The following KCNA2 variants were observed in gnomAD, a reference collection of about 807,000 sequenced individuals.
KCNA2 encodes potassium voltage-gated channel subfamily A member 2, also known as potassium channel, voltage gated shaker related subfamily A, member 2.
A neutral mutation model predicts 33.4 loss-of-function variants in KCNA2; 11 were observed. The observed-to-expected ratio is 0.33, with a 90% CI of 0.21 to 0.55. KCNA2 has a LOEUF of 0.55. KCNA2 is among the 20% of genes least tolerant of loss of function. The probability of loss-of-function intolerance (pLI) is 0.93; values close to 1 mark genes in which losing one functional copy is unlikely to be tolerated. For missense variants in KCNA2, 291 were observed against 621.6 expected (o/e 0.47, Z 5.66); for synonymous variants, 222 against 231.3 (o/e 0.96, Z 0.37).
rs1649204480 is a variant in KCNA2, at chr1:110,598,667, C to T, written c.*4616G>A. The T allele has an allele frequency of 3.0e-6, 3 of 985,316 alleles. No homozygotes were observed. Among genetic ancestry groups the T allele is most frequent in the Non-Finnish European group, 2.4e-6 (2 of 829,918 alleles). The allele number at this position is 985,316 out of a possible 1,614,324, so 61.0% of individuals were successfully genotyped here. A position where few individuals can be genotyped will look rare whatever the true frequency, so the allele number is the denominator to read the frequency against. On this transcript the variant is annotated 3_prime_UTR_variant, in exon 3 of 3. Coordinates refer to ENST00000316361, the MANE Select transcript of KCNA2 (RefSeq NM_004974.4). Reference sequence around the variant, plus strand: ...ACTAGGCTAACGCAATCTAGAGGCACACTCCCGTGGGGCCCCTTTTAAAAG... The same window carrying T: ...ACTAGGCTAACGCAATCTAGAGGCATACTCCCGTGGGGCCCCTTTTAAAAG...
Position 110,596,329 on chromosome 1 carries a change from C to A in KCNA2, c.*6954G>T. On this transcript the variant is annotated 3_prime_UTR_variant, in exon 3 of 3. Coordinates refer to ENST00000316361, the MANE Select transcript of KCNA2 (RefSeq NM_004974.4). ...AATTTAAAAATAGTATACATATATA[C>A]ATATACTATATATATATATATACAC... is the stretch of plus-strand genomic sequence containing the variant. 1 of 413,862 alleles carries A rather than the reference C, an allele frequency of 2.4e-6. No homozygotes were observed. The highest frequency in any genetic ancestry group is 3.2e-6 in the Non-Finnish European group (1 of 311,182). The allele number at this position is 413,862 out of a possible 1,614,324, so 25.6% of individuals were successfully genotyped here. A position where few individuals can be genotyped will look rare whatever the true frequency, so the allele number is the denominator to read the frequency against.
intron 1 of KCNA2, among the ~76,000 whole-genome samples, chr1:110,611,636 G>A (rs559308756): frequency 6.6e-6 from 1 of 151,928 alleles, no homozygotes; most frequent in Admixed American, 6.6e-5. Flanking sequence ...TAAGTTGAGA[G>A]GATCATTTGA....
chr1:110,621,054 T>C (rs1053554387), intron 1 of KCNA2, among the ~76,000 whole-genome samples: 1 of 152,190 alleles, frequency 6.6e-6, no homozygotes, highest in African/African-American at 2.4e-5. Flanking sequence ...CTTCTTGAAA[T>C]TCTAAAATAA....
chr1:110,607,919 G>A (rs1649734077), upstream of KCNA2: 1 of 152,318 alleles, frequency 6.6e-6, no homozygotes, highest in Non-Finnish European at 1.5e-5. Flanking sequence ...TGCAGCAGGT[G>A]CGGTCCGCAG....
Position 110,597,435 on chromosome 1 carries a change from AG to A in KCNA2, c.*5847del. 4.1e-6 allele frequency: 4 copies of A among 985,442 alleles called. No homozygotes were observed. Among genetic ancestry groups the A allele is most frequent in the Non-Finnish European group, 4.8e-6 (4 of 829,934 alleles). 61.0% of individuals were successfully genotyped at this position (985,442 alleles called of 1,614,324 possible). On this transcript the variant is annotated 3_prime_UTR_variant, in exon 3 of 3. Coordinates refer to ENST00000316361, the MANE Select transcript of KCNA2 (RefSeq NM_004974.4). ...ACAAACTTAGGATTTTCATGCCTAGAGGTTGTAAGGATGCTGTATGACAGCA... is the reference window on the plus strand; with the variant it reads ...ACAAACTTAGGATTTTCATGCCTAGAGTTGTAAGGATGCTGTATGACAGCA...
In KCNA2 at chr1:110,601,115, C is replaced by A. The variant is rs1649323017; in HGVS notation, c.*2168G>T. 1 of 985,328 alleles carries A rather than the reference C, an allele frequency of 1.0e-6. No individual in the cohort carries two copies. Among genetic ancestry groups the A allele is most frequent in the Non-Finnish European group, 1.2e-6 (1 of 829,962 alleles). 61.0% of individuals were successfully genotyped at this position (985,328 alleles called of 1,614,324 possible). A position where few individuals can be genotyped will look rare whatever the true frequency, so the allele number is the denominator to read the frequency against. ...AGTGCTCATTTGCACTCTACTTCTT[C>A]TGGGGGGTGGGAAATGATTCTTTAC... is the stretch of plus-strand genomic sequence containing the variant. On this transcript the variant is annotated 3_prime_UTR_variant, in exon 3 of 3. Coordinates refer to ENST00000316361, the MANE Select transcript of KCNA2 (RefSeq NM_004974.4).
intron 1 of KCNA2, among the ~76,000 whole-genome samples, chr1:110,620,649 G>A (rs1170431681): frequency 6.6e-6 from 1 of 152,196 alleles, no homozygotes; most frequent in Non-Finnish European, 1.5e-5. Context: ...TGAGGATGCA[G>A]GGTGGAGAGA....
intron 1 of KCNA2, among the ~76,000 whole-genome samples, chr1:110,620,517 T>C (rs768662281): frequency 1.4e-4 from 22 of 152,052 alleles, no homozygotes; most frequent in Non-Finnish European, 2.9e-4. Context: ...AGAACCCCAC[T>C]TGGCAGAAGG....
At position 110,596,581 on chromosome 1, in the gene KCNA2, A is replaced by C. The variant is rs1474092874; in HGVS notation, c.*6702T>G. The C allele has an allele frequency of 3.8e-6, 1 of 265,660 alleles. No individual in the cohort carries two copies. The highest frequency in any genetic ancestry group is 5.8e-6 in the Non-Finnish European group (1 of 172,136). 16.5% of individuals were successfully genotyped at this position (265,660 alleles called of 1,614,324 possible). On this transcript the variant is annotated 3_prime_UTR_variant, in exon 3 of 3. Transcript: ENST00000316361. Reference sequence around the variant, plus strand: ...TTGGTCTTCTCTACCTATGTCCACTACTGTACAATAAGCATTGAGGTTTAC... The same window carrying C: ...TTGGTCTTCTCTACCTATGTCCACTCCTGTACAATAAGCATTGAGGTTTAC...
At position 110,595,011 on chromosome 1, in the gene KCNA2, A is replaced by G. The variant is rs12082298; in HGVS notation, c.*8272T>C. On this transcript the variant is annotated 3_prime_UTR_variant, in exon 3 of 3. Transcript: ENST00000316361. The stretch of plus-strand genomic sequence containing the variant: ...GCCCAGAGCATTTATTCACTCATAC[A>G]AACAAGGCATTCGGTGTCTAGGGAA... 1.0e-2 allele frequency: 9,829 copies of G among 985,288 alleles called. 775 individuals carry two copies. In the African/African-American group the frequency reaches 0.16, roughly 16 times the overall value. The allele number at this position is 985,288 out of a possible 1,614,324, so 61.0% of individuals were successfully genotyped here.
Position 110,594,022 on chromosome 1 carries a change from C to G in KCNA2, c.*9261G>C. On this transcript the variant is annotated 3_prime_UTR_variant, in exon 3 of 3. Coordinates refer to ENST00000316361, the MANE Select transcript of KCNA2 (RefSeq NM_004974.4). The stretch of plus-strand genomic sequence containing the variant: ...TGCTCCGCCTTCAGCTCTCATTGGT[C>G]CCCAGCCTCTTATCACCATGGAGAC... The G allele has an allele frequency of 6.5e-7, 1 of 1,535,056 alleles. No homozygotes were observed. Among genetic ancestry groups the G allele is most frequent in the South Asian group, 1.2e-5 (1 of 81,094 alleles).
rs1649392064 is a variant in KCNA2 at position 110,602,245 on chromosome 1, TC to T, written c.*1037del. The T allele has an allele frequency of 1.3e-6, 2 of 1,518,032 alleles. No homozygotes were observed. Among genetic ancestry groups the T allele is most frequent in the East Asian group, 5.1e-5 (2 of 39,516 alleles). 94.0% of individuals were successfully genotyped at this position (1,518,032 alleles called of 1,614,324 possible). A position where few individuals can be genotyped will look rare whatever the true frequency, so the allele number is the denominator to read the frequency against. The stretch of plus-strand genomic sequence containing the variant: ...TCCATTCCAAATAGTCTATTTTTTT[TC>T]CCCTGATGGAGGGATTTTTGCCTTC... On this transcript the variant is annotated 3_prime_UTR_variant, in exon 3 of 3. Coordinates refer to ENST00000316361, the MANE Select transcript of KCNA2 (RefSeq NM_004974.4).
Position 110,599,208 on chromosome 1 carries a change from A to T in KCNA2, c.*4075T>A. 1 of 985,450 alleles carries T rather than the reference A, an allele frequency of 1.0e-6. No homozygotes were observed. The highest frequency in any genetic ancestry group is 4.7e-5 in the South Asian group (1 of 21,288). The allele number at this position is 985,450 out of a possible 1,614,324, so 61.0% of individuals were successfully genotyped here. ...GACTGCAACTCTTTACTTCCGATGT[A>T]GGTGAAGCCTTTGCTAAAATGCACT... On this transcript the variant is annotated 3_prime_UTR_variant, in exon 3 of 3. Coordinates refer to ENST00000316361, the MANE Select transcript of KCNA2 (RefSeq NM_004974.4).
At chr1:110,629,208 T>A (rs1488306382) in intron 1 of KCNA2, among the ~76,000 whole-genome samples, 1 of 152,080 alleles carries the variant, frequency 6.6e-6, no homozygotes, top group Admixed American at 6.6e-5. Flanking sequence ...CTGTTAGTGA[T>A]CCCCAATTAC....
At position 110,600,167 on chromosome 1, in the gene KCNA2, C is replaced by T. The variant is rs115256300; in HGVS notation, c.*3116G>A. 806 of 983,730 alleles carry T rather than the reference C, an allele frequency of 8.2e-4. 2 individuals are homozygous for T. The African/African-American group carries it at 0.011, about 14-fold the overall frequency. The allele number at this position is 983,730 out of a possible 1,614,324, so 60.9% of individuals were successfully genotyped here. A position where few individuals can be genotyped will look rare whatever the true frequency, so the allele number is the denominator to read the frequency against. On this transcript the variant is annotated 3_prime_UTR_variant, in exon 3 of 3. Coordinates refer to ENST00000316361, the MANE Select transcript of KCNA2 (RefSeq NM_004974.4). ...GCCTGTTAATTCATAGCTCTGGGGG[C>T]AGGGCAATGGGTCTGAGTATATGTC...
chr1:110,602,278 G>C lies in KCNA2; in HGVS notation c.*1005C>G. The C allele has an allele frequency of 6.7e-7, 1 of 1,496,298 alleles. No individual in the cohort carries two copies. The highest frequency in any genetic ancestry group is 2.2e-5 in the Admixed American group (1 of 44,720). The allele number at this position is 1,496,298 out of a possible 1,614,324, so 92.7% of individuals were successfully genotyped here. A position where few individuals can be genotyped will look rare whatever the true frequency, so the allele number is the denominator to read the frequency against. ...TGGAGGGATTTTTGCCTTCTGATGG[G>C]AAAAAAACCCCTAGTTCAAGACCAT... is the stretch of plus-strand genomic sequence containing the variant. On this transcript the variant is annotated 3_prime_UTR_variant, in exon 3 of 3. Transcript: ENST00000316361.
intron 1 of KCNA2, among the ~76,000 whole-genome samples, chr1:110,618,616 T>G (rs1014273005): frequency 6.6e-6 from 1 of 152,184 alleles, no homozygotes; most frequent in Middle Eastern, 3.2e-3. Context: ...TAGAGAGCCC[T>G]GCTCAGGTGC....
At chr1:110,627,581 C>T (rs532214030) in intron 1 of KCNA2, among the ~76,000 whole-genome samples, 96 of 152,288 alleles carry the variant, frequency 6.3e-4, no homozygotes, top group Non-Finnish European at 1.3e-3. Flanking sequence ...GGGTTTCTCT[C>T]TGTGCTCCCT....
chr1:110,608,693 C>G (rs1315865458), upstream of KCNA2, among the ~76,000 whole-genome samples: 1 of 152,188 alleles, frequency 6.6e-6, no homozygotes, highest in Admixed American at 6.5e-5. Flanking sequence ...CACCTTGAAC[C>G]TGGCCTGTTA....
Sources: gnomAD v4.1 joint callset for allele counts (sites outside exome capture counted in the v4.1 genomes callset) on GRCh38, gnomAD v4.1.1 for gene constraint, MANE v1.5 for transcripts, NCBI Gene and HGNC (gene_info 2026-07-23, HGNC 2026-07-21) for gene names.